The following LARP1B variants were observed in gnomAD, a reference collection of about 807,000 sequenced individuals.
LARP1B encodes La ribonucleoprotein 1B.
A neutral mutation model predicts 114.2 loss-of-function variants in LARP1B; 76 were observed. The ratio of observed to expected loss-of-function variants is 0.67; its 90% CI spans 0.55 to 0.81. The LOEUF (loss-of-function observed/expected upper bound fraction) is 0.81. Among genes scored for constraint, LARP1B ranks in the 30% least tolerant of loss-of-function variants. The pLI is 0.00. For synonymous variants in LARP1B, 345 were observed against 348.0 expected, an observed-to-expected ratio of 0.99 and a Z score of 0.10; for missense variants, 1,014 against 1,075.8, an observed-to-expected ratio of 0.94 and a Z score of 0.80.
chr4:128,096,120 C>A (rs904426791), intron 7 of LARP1B, among the ~76,000 whole-genome samples: 3 of 151,696 alleles, frequency 2.0e-5, no homozygotes, highest in South Asian at 4.2e-4. Flanking sequence ...CAGCCTCCCA[C>A]GTAGCTGGCA....
At chr4:128,132,445 CA>C (rs1293259127) in intron 11 of LARP1B, among the ~76,000 whole-genome samples, 1 of 152,042 alleles carries the variant, frequency 6.6e-6, no homozygotes, top group African/African-American at 2.4e-5. Flanking sequence ...GGAATTTCAC[CA>C]TGTTGGCCAG....
intron 1 of LARP1B, among the ~76,000 whole-genome samples, chr4:128,065,293 C>CTTTCTTTCTT (rs1762130685): frequency 7.3e-6 from 1 of 136,164 alleles, no homozygotes; most frequent in African/African-American, 2.9e-5. Flanking sequence ...TTCTTTCTTT[C>CTTTCTTTCTT]TTTCTTTCTT....
chr4:128,065,402 GTCTC>G (rs746947814), intron 1 of LARP1B, among the ~76,000 whole-genome samples: 1 of 114,750 alleles, frequency 8.7e-6, no homozygotes, highest in Non-Finnish European at 2.0e-5. Context: ...AAGAGATGGA[GTCTC>G]TCTGTGTTTC....
chr4:128,091,877 G>A (rs1266085748), intron 7 of LARP1B, among the ~76,000 whole-genome samples: 3 of 152,168 alleles, frequency 2.0e-5, no homozygotes, highest in Non-Finnish European at 4.4e-5. Context: ...GATTATAGGC[G>A]TGAGCCACCA....
chr4:128,207,550 C>T (rs538348790), intron 19 of LARP1B, among the ~76,000 whole-genome samples, 167 bp downstream of exon 19: 1 of 152,302 alleles, frequency 6.6e-6, no homozygotes, highest in East Asian at 1.9e-4. Flanking sequence ...CCCATATACT[C>T]TGTTCACTCA....
At chr4:128,212,742 A>G (rs934768271), downstream of LARP1B, among the ~76,000 whole-genome samples, 5 of 152,098 alleles carry the variant, frequency 3.3e-5, no homozygotes, top group African/African-American at 1.2e-4. Flanking sequence ...ACTGTCAAGA[A>G]CTCCTAGAAG....
At chr4:128,151,624 G>A (rs1455026424) in intron 11 of LARP1B, among the ~76,000 whole-genome samples, 1 of 151,222 alleles carries the variant, frequency 6.6e-6, no homozygotes, top group Admixed American at 6.6e-5. Flanking sequence ...TTTTTTTAAG[G>A]TGGAGTCTCG....
intron 11 of LARP1B, chr4:128,122,497 A>G: frequency 6.5e-7 from 1 of 1,527,168 alleles, no homozygotes; most frequent in African/African-American, 1.4e-5. Flanking sequence ...AATACTGAGA[A>G]CGCCCTTTCT....
chr4:128,132,849 C>T (rs1792008251), intron 11 of LARP1B, among the ~76,000 whole-genome samples: 1 of 151,782 alleles, frequency 6.6e-6, no homozygotes, highest in Admixed American at 6.6e-5. Context: ...AATAATTGTG[C>T]AATTTATCAT....
chr4:128,114,874 C>A, intron 10 of LARP1B, 132 bp downstream of exon 10: 1 of 668,908 alleles, frequency 1.5e-6, no homozygotes, highest in African/African-American at 1.8e-5. Flanking sequence ...TAATTGTTGG[C>A]CTTCAGTAGA....
chr4:128,168,631 G>T (rs1742188972), intron 12 of LARP1B, among the ~76,000 whole-genome samples: 1 of 151,958 alleles, frequency 6.6e-6, no homozygotes, highest in Non-Finnish European at 1.5e-5. Context: ...ACATTGATTG[G>T]TTTTCAAATG....
At position 128,097,764 on chromosome 4, in the gene LARP1B, T is replaced by G. The variant is rs114951792; in HGVS notation, c.669-422T>G. 3.3e-3 allele frequency among the ~76,000 whole-genome samples: 502 copies of G among 152,278 alleles called. 2 individuals carry two copies. The highest frequency in any genetic ancestry group is 5.0e-3 in the Non-Finnish European group (339 of 68,020). ...CCAGTATACCACTCTTCTCAGCGAC[T>G]GGGAAAAAGGTGGAAGGCATTATGC... is the stretch of plus-strand genomic sequence containing the variant. On this transcript the variant is annotated intron_variant, in intron 7 of 19. Coordinates refer to ENST00000326639, the MANE Select transcript of LARP1B (RefSeq NM_018078.4).
At chr4:128,111,204 G>A (rs1440946181) in intron 9 of LARP1B, among the ~76,000 whole-genome samples, 1 of 151,798 alleles carries the variant, frequency 6.6e-6, no homozygotes, top group Non-Finnish European at 1.5e-5. Context: ...GTGCTGCCAC[G>A]CCCGGCTATT....
At chr4:128,194,167 G>A (rs534842282) in intron 15 of LARP1B, among the ~76,000 whole-genome samples, 9 of 151,922 alleles carry the variant, frequency 5.9e-5, no homozygotes, top group African/African-American at 2.2e-4. Context: ...CCACCTCCTG[G>A]GTTCAAGCGA....
intron 11 of LARP1B, among the ~76,000 whole-genome samples, chr4:128,126,291 T>C (rs1789588122): frequency 6.6e-6 from 1 of 151,896 alleles, no homozygotes. Flanking sequence ...CTGGCTAATT[T>C]TTTATGTTTT....
At chr4:128,209,442 C>A (rs781486111) in intron 19 of LARP1B, among the ~76,000 whole-genome samples, 2 of 151,552 alleles carry the variant, frequency 1.3e-5, no homozygotes, top group African/African-American at 2.4e-5. Context: ...AAAAAACAAG[C>A]AAACAAAAAA....
intron 5 of LARP1B, among the ~76,000 whole-genome samples, chr4:128,085,468 C>T (rs913284454): frequency 1.3e-5 from 2 of 148,786 alleles, no homozygotes; most frequent in Non-Finnish European, 3.0e-5. Context: ...TGGGCTCAAG[C>T]GATCCTCCCA....
intron 1 of LARP1B, among the ~76,000 whole-genome samples, chr4:128,072,458 G>A (rs1380260371): frequency 1.3e-5 from 2 of 152,048 alleles, no homozygotes; most frequent in Admixed American, 1.3e-4. Flanking sequence ...AGTCTTAGGT[G>A]TTCTCTAATG....
chr4:128,153,380 G>C (rs559801717), intron 11 of LARP1B, among the ~76,000 whole-genome samples: 2 of 150,360 alleles, frequency 1.3e-5, no homozygotes, highest in South Asian at 2.1e-4. Flanking sequence ...GCAGTGGCGC[G>C]ATCTTGGCTC....
Sources: gnomAD v4.1 joint callset for allele counts (sites outside exome capture counted in the v4.1 genomes callset) on GRCh38, gnomAD v4.1.1 for gene constraint, MANE v1.5 for transcripts, NCBI Gene and HGNC (gene_info 2026-07-23, HGNC 2026-07-21) for gene names.